The following SLC44A2 variants were observed in gnomAD, a reference collection of about 807,000 sequenced individuals.
SLC44A2 encodes the protein choline transporter-like protein 2.
SLC44A2 carries 57 observed loss-of-function variants against 90.8 expected under a neutral mutation model. The observed-to-expected ratio is 0.63, with a 90% CI of 0.51 to 0.78. The LOEUF (loss-of-function observed/expected upper bound fraction) is 0.78. Ranked by LOEUF, SLC44A2 falls within the 30% of genes least tolerant of loss-of-function variation. The probability of loss-of-function intolerance (pLI) is 0.00; values close to 1 mark genes in which losing one functional copy is unlikely to be tolerated. For missense variants in SLC44A2, 794 were observed against 919.7 expected (o/e 0.86, Z 1.77); for synonymous variants, 355 against 360.7 (o/e 0.98, Z 0.18).
chr19:10,631,750 G>C lies in SLC44A2; in HGVS notation c.626+1G>C. The C allele has an allele frequency of 6.2e-7, 1 of 1,613,738 alleles. No individual in the cohort carries two copies. The highest frequency in any genetic ancestry group is 8.5e-7 in the Non-Finnish European group (1 of 1,180,052). ...TCACAGACCTGGTGGAGGGCGCCAA[G>C]TGAGGATATTGGCGCACCGCGCCAG... is the stretch of plus-strand genomic sequence containing the variant. On this transcript the variant is annotated splice_donor_variant, in intron 8 of 21. Coordinates refer to ENST00000335757, the MANE Select transcript of SLC44A2 (RefSeq NM_020428.4). LOFTEE classifies it high-confidence loss of function.
intron 20 of SLC44A2, among the ~76,000 whole-genome samples, 191 bp from the exon 21 acceptor site, chr19:10,642,176 G>A (rs1355624717): frequency 1.3e-5 from 2 of 151,560 alleles, no homozygotes; most frequent in Non-Finnish European, 2.9e-5. Flanking sequence ...AAAAAAAGAC[G>A]GAGAGAGAGA....
intron 1 of SLC44A2, among the ~76,000 whole-genome samples, chr19:10,608,854 T>A (rs1918195784): frequency 6.6e-6 from 1 of 151,922 alleles, no homozygotes; most frequent in South Asian, 2.1e-4. Flanking sequence ...TTTTGTCATG[T>A]TGCCCAGGCT....
At chr19:10,638,134 G>A (rs749505666) in intron 19 of SLC44A2, 41 bp downstream of exon 19, 2 of 1,613,392 alleles carry the variant, frequency 1.2e-6, no homozygotes, top group African/African-American at 1.3e-5. Flanking sequence ...GTGGGAGCCT[G>A]ATTTCTGTCT....
At chr19:10,643,039 G>C (rs775842919) in intron 21 of SLC44A2, 2 of 1,508,162 alleles carry the variant, frequency 1.3e-6, no homozygotes, top group East Asian at 4.6e-5. Context: ...AGACTGGCGT[G>C]GGGGCCAGGT....
chr19:10,643,310 C>T lies in SLC44A2; in HGVS notation c.2046C>T (p.Ala682=), dbSNP rs151043533. ...LEDLERNDGS[A]ERPYFMSSTL... ...ACCTGGAGAGGAATGACGGCTCGGCCGAGAGGCCTTACTTCATGTCTTCCA... is the reference window on the plus strand; with the variant it reads ...ACCTGGAGAGGAATGACGGCTCGGCTGAGAGGCCTTACTTCATGTCTTCCA... The change falls in exon 22 of 22, where the codon GCC becomes GCT. Residue 682 remains alanine, a synonymous_variant. Transcript: ENST00000335757. The T allele has an allele frequency of 3.8e-5, 62 of 1,610,630 alleles. No individual in the cohort carries two copies. Among genetic ancestry groups the T allele is most frequent in the African/African-American group, 5.3e-5 (4 of 74,828 alleles).
At chr19:10,628,246 A>G in intron 4 of SLC44A2, among the ~76,000 whole-genome samples, 1 of 152,156 alleles carries the variant, frequency 6.6e-6, no homozygotes, top group Non-Finnish European at 1.5e-5. Flanking sequence ...TTAGCCAGGC[A>G]TGGTGGCACA....
intron 1 of SLC44A2, among the ~76,000 whole-genome samples, chr19:10,605,644 G>C (rs1341341551): frequency 6.6e-6 from 1 of 151,848 alleles, no homozygotes; most frequent in Non-Finnish European, 1.5e-5. Context: ...CCAAGGTGGC[G>C]CCACTGCACT....
chr19:10,636,104 C>T (rs1599255262), intron 14 of SLC44A2: 1 of 586,054 alleles, frequency 1.7e-6, no homozygotes, highest in East Asian at 3.0e-5. Flanking sequence ...TTTCCTGTCT[C>T]CATGCCCTCT....
At position 10,642,434 on chromosome 19, in the gene SLC44A2, C is replaced by T. The variant is rs971181236; in HGVS notation, c.1997C>T (p.Thr666Met). The change falls in exon 21 of 22, where the codon ACG (threonine) becomes ATG (methionine). Residue 666 changes from threonine to methionine, a missense_variant. By Grantham distance (81) the Thr-to-Met change is moderately conservative. Transcript: ENST00000335757. ...FFSVYGMCVDTLFLCFLEDLE... is the reference protein window; with the variant it reads ...FFSVYGMCVDMLFLCFLEDLE... ...AGCGTCTATGGCATGTGTGTGGACA[C>T]GCTGTTCCTCTGCTTCTGTGAGTGA... The T allele has an allele frequency of 8.7e-6, 14 of 1,614,120 alleles. No homozygotes were observed. Among genetic ancestry groups the T allele is most frequent in the East Asian group, 6.7e-5 (3 of 44,872 alleles).
chr19:10,635,008 C>T lies in SLC44A2; in HGVS notation c.990C>T (p.Ile330=). ...TGAGTATCCTTGAAGTCATTATCAT[C>T]TTGCTGCTCATCTTTCTCCGGAAGA... ...IILSILEVII[I]LLLIFLRKRI... The change falls in exon 12 of 22, where the codon ATC becomes ATT. Residue 330 remains isoleucine, a synonymous_variant. Transcript: ENST00000335757. 6.2e-7 allele frequency: 1 copy of T among 1,614,190 alleles called. No homozygotes were observed. The highest frequency in any genetic ancestry group is 8.5e-7 in the Non-Finnish European group (1 of 1,180,040).
chr19:10,642,883 C>CG (rs1568457277), intron 21 of SLC44A2: 2 of 1,577,212 alleles, frequency 1.3e-6, no homozygotes, highest in Middle Eastern at 1.7e-4. Flanking sequence ...TGCCGGTTCC[C>CG]GGGGGGAGCC....
intron 10 of SLC44A2, among the ~76,000 whole-genome samples, chr19:10,633,094 A>G (rs2067015050): frequency 1.3e-5 from 2 of 152,170 alleles, no homozygotes; most frequent in Non-Finnish European, 2.9e-5. Flanking sequence ...GGCCTGTGGA[A>G]TCCAGAGGCA....
rs537022440 is a variant in SLC44A2, at chr19:10,638,080, C to T, written c.1827C>T (p.Ile609=). 11 of 1,613,734 alleles carry T rather than the reference C, an allele frequency of 6.8e-6. No homozygotes were observed. The highest frequency in any genetic ancestry group is 2.2e-5 in the East Asian group (1 of 44,876). The part of the protein sequence containing the change: ...DFLFLLGKLL[I]VGSVGILAFF... The stretch of plus-strand genomic sequence containing the variant: ...TCTTCCTGTTGGGCAAACTTCTGAT[C>T]GTTGGTAGTGTGGGTGAGTGCCGCC... The change falls in exon 19 of 22, where the codon ATC becomes ATT. Residue 609 remains isoleucine, a synonymous_variant. Coordinates refer to ENST00000335757, the MANE Select transcript of SLC44A2 (RefSeq NM_020428.4).
At chr19:10,615,612 GGAGGAA>G (rs146234405) in intron 1 of SLC44A2, among the ~76,000 whole-genome samples, 15,327 of 151,502 alleles carry the variant, frequency 0.1, 838 homozygotes, top group African/African-American at 0.14. Flanking sequence ...AGTGAGCTGA[GGAGGAA>G]GAGGAAGAGG....
At chr19:10,642,326 G>A in intron 20 of SLC44A2, 41 bp from the exon 21 acceptor site, 3 of 1,577,930 alleles carry the variant, frequency 1.9e-6, no homozygotes, top group South Asian at 1.1e-5. Context: ...GCTGCTCTGG[G>A]AAGGACACGG....
intron 2 of SLC44A2, among the ~76,000 whole-genome samples, chr19:10,627,389 A>T (rs1016713362): frequency 1.7e-4 from 26 of 148,906 alleles, no homozygotes; most frequent in East Asian, 5.9e-4. Context: ...TATATAAATT[A>T]AAAAAAAAAT....
Position 10,634,786 on chromosome 19 carries a change from G to T in SLC44A2, c.854G>T (p.Arg285Leu). The T allele has an allele frequency of 1.2e-6, 2 of 1,614,152 alleles. No homozygotes were observed. Among genetic ancestry groups the T allele is most frequent in the Non-Finnish European group, 1.7e-6 (2 of 1,180,046 alleles). The stretch of plus-strand genomic sequence containing the variant: ...TTTCACTGCTACATGGAGTACTCCC[G>T]ACTGCGTGGTGAGGCCGGCTCTGAT... Reference protein sequence around the residue: ...GIFHCYMEYSRLRGEAGSDVS... With the variant: ...GIFHCYMEYSLLRGEAGSDVS... Residue 285 changes from arginine to leucine, a missense_variant, in exon 11 of 22, where the codon CGA (arginine) becomes CTA (leucine). Arg to Leu is a moderately radical substitution (Grantham distance 102). Transcript: ENST00000335757.
intron 21 of SLC44A2, 87 bp downstream of exon 21, chr19:10,642,538 G>T (rs1417712621): frequency 1.6e-6 from 2 of 1,259,484 alleles, no homozygotes; most frequent in East Asian, 2.3e-5. Flanking sequence ...GGGGCAACAC[G>T]CTTGCCTGCC....
intron 1 of SLC44A2, 49 bp downstream of exon 1, chr19:10,625,719 C>T: frequency 8.1e-7 from 1 of 1,231,538 alleles, no homozygotes. Context: ...CTCGGTCCCT[C>T]GGAGGGGGCC....
Sources: gnomAD v4.1 joint callset for allele counts (sites outside exome capture counted in the v4.1 genomes callset) on GRCh38, gnomAD v4.1.1 for gene constraint, MANE v1.5 for transcripts, NCBI Gene and HGNC (gene_info 2026-07-23, HGNC 2026-07-21) for gene names.